The following BCAT1 variants were observed in gnomAD, a reference collection of about 807,000 sequenced individuals.
BCAT1 encodes branched-chain-amino-acid aminotransferase, cytosolic.
A neutral mutation model predicts 52.4 loss-of-function variants in BCAT1; 48 were observed. The ratio of observed to expected loss-of-function variants is 0.92; its 90% CI spans 0.73 to 1.16. BCAT1 has a LOEUF of 1.16. BCAT1 is among the 50% of genes most tolerant of loss of function. BCAT1 has a pLI of 0.00. For missense variants in BCAT1, 451 were observed against 457.1 expected, an observed-to-expected ratio of 0.99 and a Z score of 0.12; for synonymous variants, 167 against 161.3, an observed-to-expected ratio of 1.04 and a Z score of -0.27.
At chr12:24,898,520 CTTTTTTTTTTTTTTT>C (rs71448094) in intron 2 of BCAT1, among the ~76,000 whole-genome samples, 15 of 38,536 alleles carry the variant, frequency 3.9e-4, no homozygotes, top group South Asian at 1.6e-3. Context: ...TCAGTCAACA[CTTTTTTTTTTTTTTT>C]TTTTTTTTTT....
At chr12:24,949,129 G>T, upstream of BCAT1, 1 of 593,652 alleles carries the variant, frequency 1.7e-6, no homozygotes, top group South Asian at 2.1e-5. Context: ...GCGGAGACTC[G>T]CGACCTAGCG....
chr12:24,832,676 T>C (rs775654383), intron 9 of BCAT1, 47 bp downstream of exon 9: 3 of 1,538,068 alleles, frequency 2.0e-6, no homozygotes, highest in African/African-American at 2.7e-5. Context: ...TTAAATGTAA[T>C]TTAATGTGAT....
intron 1 of BCAT1, among the ~76,000 whole-genome samples, chr12:24,921,044 C>T (rs905609205): frequency 3.9e-5 from 6 of 152,014 alleles, no homozygotes; most frequent in African/African-American, 7.2e-5. Flanking sequence ...CTTACCTTCC[C>T]GTGACCCTCC....
At chr12:24,855,160 A>G (rs1180773453) in intron 5 of BCAT1, among the ~76,000 whole-genome samples, 3 of 152,180 alleles carry the variant, frequency 2.0e-5, no homozygotes, top group African/African-American at 7.2e-5. Context: ...TATAGAAACT[A>G]AAGATAACAT....
intron 10 of BCAT1, among the ~76,000 whole-genome samples, chr12:24,824,280 C>G (rs12427117): frequency 9.9e-5 from 5 of 50,476 alleles, no homozygotes; most frequent in African/African-American, 3.0e-4. Context: ...CCCTCCCTCC[C>G]TCCCTCCCTC....
chr12:24,923,792 C>G (rs1943537577), intron 1 of BCAT1, among the ~76,000 whole-genome samples: 1 of 152,178 alleles, frequency 6.6e-6, no homozygotes, highest in Non-Finnish European at 1.5e-5. Flanking sequence ...AAGTAACACA[C>G]CTGTCTGCAG....
At chr12:24,844,738 A>T (rs1480491912) in intron 6 of BCAT1, among the ~76,000 whole-genome samples, 6 of 151,230 alleles carry the variant, frequency 4.0e-5, no homozygotes, top group Admixed American at 4.0e-4. Context: ...TCTACTAAAA[A>T]TACTAAAAAT....
chr12:24,849,676 G>A lies in BCAT1; in HGVS notation c.674+110C>T, dbSNP rs868379459. The stretch of plus-strand genomic sequence containing the variant: ...CTGAAAATTAACCATGAAACACAAT[G>A]AGCATTAAAGTTTGAAAAGTATTAT... On this transcript the variant is annotated intron_variant, in intron 6 of 10. Coordinates refer to ENST00000261192, the MANE Select transcript of BCAT1 (RefSeq NM_005504.7). 2.0e-5 allele frequency: 23 copies of A among 1,170,110 alleles called. No individual in the cohort carries two copies. The Middle Eastern group carries it at 1.1e-3, about 57-fold the overall frequency. The allele number at this position is 1,170,110 out of a possible 1,614,324, so 72.5% of individuals were successfully genotyped here.
chr12:24,822,981 T>C (rs1012448545), intron 10 of BCAT1, among the ~76,000 whole-genome samples: 6 of 152,128 alleles, frequency 3.9e-5, no homozygotes, highest in Non-Finnish European at 2.9e-5. Flanking sequence ...CTATATATTT[T>C]ACTTTTAAAC....
At chr12:24,926,579 G>A (rs534601041) in intron 1 of BCAT1, among the ~76,000 whole-genome samples, 32 of 152,358 alleles carry the variant, frequency 2.1e-4, no homozygotes, top group African/African-American at 7.5e-4. Context: ...GTAGAAAGAA[G>A]TAGACATAGG....
chr12:24,865,229 A>G (rs1312195646), intron 5 of BCAT1, among the ~76,000 whole-genome samples: 3 of 152,162 alleles, frequency 2.0e-5, no homozygotes, highest in African/African-American at 7.2e-5. Context: ...TACATGCATG[A>G]CTGTTTTAAC....
chr12:24,935,350 AAG>A, intron 1 of BCAT1, among the ~76,000 whole-genome samples: 1 of 152,318 alleles, frequency 6.6e-6, no homozygotes, highest in East Asian at 1.9e-4. Flanking sequence ...GTGGCCAGGA[AAG>A]AGAGCTCTAC....
intron 7 of BCAT1, among the ~76,000 whole-genome samples, chr12:24,837,588 G>A (rs376598117): frequency 1.3e-4 from 20 of 151,888 alleles, no homozygotes; most frequent in African/African-American, 4.6e-4. Flanking sequence ...CACCACGCCT[G>A]GCTAATTTTT....
intron 3 of BCAT1, among the ~76,000 whole-genome samples, chr12:24,886,478 G>A (rs889812547): frequency 1.3e-5 from 2 of 152,054 alleles, no homozygotes; most frequent in African/African-American, 4.8e-5. Context: ...AAGTAAAAAC[G>A]GTGCTCGATG....
intron 7 of BCAT1, 38 bp from the exon 8 acceptor site, chr12:24,836,634 T>G: frequency 6.6e-7 from 1 of 1,515,074 alleles, no homozygotes; most frequent in African/African-American, 1.4e-5. Context: ...AAACTTTCAC[T>G]ACATTAGGCA....
At position 24,814,416 on chromosome 12, in the gene BCAT1, G is replaced by A. The variant is rs1476730555; in HGVS notation, c.*3592C>T. 2.0e-5 allele frequency: 3 copies of A among 146,646 alleles called. No individual in the cohort carries two copies. The highest frequency in any genetic ancestry group is 6.8e-5 in the Admixed American group (1 of 14,682). The allele number at this position is 146,646 out of a possible 1,614,324, so 9.1% of individuals were successfully genotyped here. On this transcript the variant is annotated 3_prime_UTR_variant, in exon 11 of 11. Coordinates refer to ENST00000261192, the MANE Select transcript of BCAT1 (RefSeq NM_005504.7). ...TAAGGGGAAACCAAATATGCAACTT[G>A]AAAAAAAAAAAGGAAACAGAATATA...
At chr12:24,848,658 C>T (rs188114160) in intron 6 of BCAT1, among the ~76,000 whole-genome samples, 1 of 152,144 alleles carries the variant, frequency 6.6e-6, no homozygotes, top group South Asian at 2.1e-4. Flanking sequence ...GGTACATAGG[C>T]ACATGCTCTG....
At chr12:24,833,628 C>G (rs141354703) in intron 8 of BCAT1, among the ~76,000 whole-genome samples, 3 of 152,018 alleles carry the variant, frequency 2.0e-5, no homozygotes, top group Admixed American at 6.6e-5. Context: ...ATCAAGCACC[C>G]GCTATTATGC....
In BCAT1 at chr12:24,884,266, G is replaced by A. The variant is rs375736126; in HGVS notation, c.280-2855C>T. Among the ~76,000 whole-genome samples the A allele has an allele frequency of 4.9e-4, 74 of 152,250 alleles. No individual in the cohort carries two copies. The South Asian group carries it at 6.8e-3, about 14-fold the overall frequency. On this transcript the variant is annotated intron_variant, in intron 3 of 10. Coordinates refer to ENST00000261192, the MANE Select transcript of BCAT1 (RefSeq NM_005504.7). Reference sequence around the variant, plus strand: ...AAGTACAGAAAGACAAATACTGCACGATTTCACTCATATGTGGACTGAAAA... The same window carrying A: ...AAGTACAGAAAGACAAATACTGCACAATTTCACTCATATGTGGACTGAAAA...
Sources: allele counts gnomAD v4.1 joint callset (sites outside exome capture counted in the v4.1 genomes callset), GRCh38; gene constraint gnomAD v4.1.1; transcripts MANE v1.5; gene names NCBI Gene and HGNC (gene_info 2026-07-23, HGNC 2026-07-21).